EMC7: variants seen among roughly 807,000 people sequenced by gnomAD.
EMC7 encodes ER membrane protein complex subunit 7, also known as endoplasmic reticulum membrane protein complex subunit 7.
EMC7 carries 4 observed loss-of-function variants against 24.4 expected under a neutral mutation model. The observed-to-expected ratio is 0.16, with a 90% CI of 0.08 to 0.38. The LOEUF (loss-of-function observed/expected upper bound fraction) is 0.38, where lower values mean the gene tolerates loss of function less well. EMC7 is among the 10% of genes least tolerant of loss of function. EMC7 has a pLI of 1.00. For synonymous variants in EMC7, 106 were observed against 112.0 expected, an observed-to-expected ratio of 0.95 and a Z score of 0.34; for missense variants, 221 against 300.6, an observed-to-expected ratio of 0.74 and a Z score of 1.96.
At chr15:34,101,303 T>C (rs779321377) in intron 1 of EMC7, among the ~76,000 whole-genome samples, 5 of 152,176 alleles carry the variant, frequency 3.3e-5, no homozygotes, top group African/African-American at 7.2e-5. Flanking sequence ...AGGGTCCACC[T>C]GTCCCCAGGG....
chr15:34,091,996 T>C (rs751595317), intron 2 of EMC7, among the ~76,000 whole-genome samples: 10 of 152,234 alleles, frequency 6.6e-5, no homozygotes, highest in Non-Finnish European at 1.5e-4. Flanking sequence ...CTGGGCACAG[T>C]GGCTAATGCC....
intron 1 of EMC7, among the ~76,000 whole-genome samples, chr15:34,098,385 C>T (rs959135358): frequency 1.8e-4 from 28 of 152,030 alleles, no homozygotes; most frequent in Non-Finnish European, 8.8e-5. Context: ...ATTAAATTAT[C>T]CTTGAATTAC....
chr15:34,088,071 A>G lies in EMC7; in HGVS notation c.558T>C (p.Ser186=), dbSNP rs756052298. ...ATCTTACCCGTCTCATGTCAGGATCACTTGTGTTGACCACTTTAGGCAGAA... is the reference window on the plus strand; with the variant it reads ...ATCTTACCCGTCTCATGTCAGGATCGCTTGTGTTGACCACTTTAGGCAGAA... ...FVLLPKVVNT[S]DPDMRREMEQ... is the part of the protein sequence containing the mutation. The change falls in exon 4 of 5, where the codon AGT becomes AGC. Residue 186 remains serine (S), a synonymous_variant. Transcript: ENST00000256545. 1.2e-6 allele frequency: 2 copies of G among 1,612,692 alleles called. No homozygotes were observed. Among genetic ancestry groups the G allele is most frequent in the Non-Finnish European group, 1.7e-6 (2 of 1,179,484 alleles).
chr15:34,086,230 C>A, intron 4 of EMC7: 1 of 358,590 alleles, frequency 2.8e-6, no homozygotes, highest in South Asian at 2.5e-5. Flanking sequence ...TAAATTTTGA[C>A]ATATTGGTCT....
rs1597403830 is a variant in EMC7, at chr15:34,088,186, G to A, written c.496-53C>T. 19 of 1,450,976 alleles carry A rather than the reference G, an allele frequency of 1.3e-5. No individual in the cohort carries two copies. In the East Asian group the frequency reaches 4.4e-4, roughly 34 times the overall value. The allele number at this position is 1,450,976 out of a possible 1,614,324, so 89.9% of individuals were successfully genotyped here. A position where few individuals can be genotyped will look rare whatever the true frequency, so the allele number is the denominator to read the frequency against. The stretch of plus-strand genomic sequence containing the variant: ...TTTTTCCCCCACTTTACAGTTAATA[G>A]AACAAAAACTGCACTTAACAACCAA... On this transcript the variant is annotated intron_variant, in intron 3 of 4. Coordinates refer to ENST00000256545, the MANE Select transcript of EMC7 (RefSeq NM_020154.3).
At chr15:34,100,200 A>G (rs1472290124) in intron 1 of EMC7, among the ~76,000 whole-genome samples, 8 of 152,140 alleles carry the variant, frequency 5.3e-5, no homozygotes. Flanking sequence ...AATTAGCTGG[A>G]CATGATGGTG....
intron 2 of EMC7, among the ~76,000 whole-genome samples, chr15:34,094,484 G>T (rs548143559): frequency 1.3e-5 from 2 of 151,968 alleles, no homozygotes; most frequent in African/African-American, 2.4e-5. Context: ...GCAGTGAGCC[G>T]AAATCACACC....
chr15:34,097,968 C>CAAAA (rs34286000), intron 1 of EMC7, among the ~76,000 whole-genome samples: 5 of 125,698 alleles, frequency 4.0e-5, no homozygotes, highest in Non-Finnish European at 8.0e-5. Context: ...GACTCCGTCT[C>CAAAA]AAAAAAAAAA....
At chr15:34,098,866 C>A (rs1901130044) in intron 1 of EMC7, among the ~76,000 whole-genome samples, 1 of 151,794 alleles carries the variant, frequency 6.6e-6, no homozygotes, top group Non-Finnish European at 1.5e-5. Flanking sequence ...AAAGAAAAAG[C>A]AAATATATTT....
chr15:34,089,425 T>A lies in EMC7; in HGVS notation c.495+892A>T, dbSNP rs114599908. On this transcript the variant is annotated intron_variant, in intron 3 of 4. Transcript: ENST00000256545. ...ATCATATGTACTTCATAAATGTACA[T>A]CTATTAGGCACCTATAATAATTAAA... 2.2e-3 allele frequency among the ~76,000 whole-genome samples: 335 copies of A among 152,306 alleles called. 3 individuals carry two copies. Among genetic ancestry groups the A allele is most frequent in the African/African-American group, 7.7e-3 (322 of 41,566 alleles).
chr15:34,086,712 C>T (rs1339112310), intron 4 of EMC7, among the ~76,000 whole-genome samples: 2 of 152,174 alleles, frequency 1.3e-5, no homozygotes, highest in Non-Finnish European at 2.9e-5. Context: ...TACAGGCCTG[C>T]GCCACCGCGC....
At chr15:34,094,989 A>G (rs1327294024) in intron 2 of EMC7, among the ~76,000 whole-genome samples, 1 of 152,244 alleles carries the variant, frequency 6.6e-6, no homozygotes. Context: ...CACTAACTCA[A>G]ATGTAAATAG....
At chr15:34,093,806 C>CACACACACACACACATATATATAT (rs61440619) in intron 2 of EMC7, among the ~76,000 whole-genome samples, 5 of 30,252 alleles carry the variant, frequency 1.7e-4, no homozygotes, top group African/African-American at 2.6e-4. Flanking sequence ...CACACACACA[C>CACACACACACACACATATATATAT]ATATATATAT....
At chr15:34,101,414 C>T (rs1002726343) in intron 1 of EMC7, among the ~76,000 whole-genome samples, 190 bp downstream of exon 1, 2 of 152,132 alleles carry the variant, frequency 1.3e-5, no homozygotes, top group African/African-American at 4.8e-5. Context: ...ATGCTCATTC[C>T]AGAGGTACAG....
intron 2 of EMC7, among the ~76,000 whole-genome samples, chr15:34,092,133 C>A (rs1900981820): frequency 6.6e-6 from 1 of 151,876 alleles, no homozygotes; most frequent in Non-Finnish European, 1.5e-5. Context: ...GGCATGGTGG[C>A]ACATGCCTGT....
In EMC7 at chr15:34,084,538, T is replaced by A. The variant is rs367883202; in HGVS notation, c.577-52A>T. 440 of 1,561,432 alleles carry A rather than the reference T, an allele frequency of 2.8e-4. 1 individual carries two copies. Among genetic ancestry groups the A allele is most frequent in the Non-Finnish European group, 7.0e-5 (80 of 1,145,920 alleles). On this transcript the variant is annotated intron_variant, in intron 4 of 4. Coordinates refer to ENST00000256545, the MANE Select transcript of EMC7 (RefSeq NM_020154.3). ...TGTAGGATCCTTCGAGTCTTTTAAC[T>A]CCTAACACTTCCTATTAAGGAAAAA...
intron 3 of EMC7, among the ~76,000 whole-genome samples, chr15:34,090,013 C>T (rs991933466): frequency 6.6e-6 from 1 of 152,182 alleles, no homozygotes; most frequent in Admixed American, 6.5e-5. Context: ...AAGAATGAGA[C>T]AGCTCCAGGT....
intron 2 of EMC7, among the ~76,000 whole-genome samples, chr15:34,091,060 G>C (rs1483127476): frequency 1.3e-5 from 2 of 152,134 alleles, no homozygotes; most frequent in African/African-American, 4.8e-5. Context: ...CACTGTCATT[G>C]CTGTGTTGGG....
At chr15:34,087,615 T>C (rs1900909740) in intron 4 of EMC7, among the ~76,000 whole-genome samples, 1 of 152,188 alleles carries the variant, frequency 6.6e-6, no homozygotes, top group Non-Finnish European at 1.5e-5. Flanking sequence ...ATTTCAGCTA[T>C]TTAAAAAGTA....
Sources: allele counts gnomAD v4.1 joint callset (sites outside exome capture counted in the v4.1 genomes callset), GRCh38; gene constraint gnomAD v4.1.1; transcripts MANE v1.5; gene names NCBI Gene and HGNC (gene_info 2026-07-23, HGNC 2026-07-21).